The following HMCN1 variants were observed in gnomAD, a reference collection of about 807,000 sequenced individuals.
HMCN1 encodes hemicentin-1.
A neutral mutation model predicts 625.9 loss-of-function variants in HMCN1; 321 were observed. The ratio of observed to expected loss-of-function variants is 0.51; its 90% CI spans 0.47 to 0.56. HMCN1 has a LOEUF of 0.56. Among genes scored for constraint, HMCN1 ranks in the 20% least tolerant of loss-of-function variants. The pLI is 0.00. For missense variants in HMCN1, 6,588 were observed against 6,887.3 expected, an observed-to-expected ratio of 0.96 and a Z score of 1.54; for synonymous variants, 2,425 against 2,417.6, an observed-to-expected ratio of 1.00 and a Z score of -0.09.
intron 4 of HMCN1, among the ~76,000 whole-genome samples, chr1:185,880,924 G>A (rs907360220): frequency 8.5e-5 from 13 of 152,210 alleles, no homozygotes; most frequent in Non-Finnish European, 1.8e-4. Context: ...CACCCCTCGA[G>A]GGAGGGAGCG....
At chr1:185,860,024 T>A (rs1662766168) in intron 2 of HMCN1, among the ~76,000 whole-genome samples, 1 of 152,162 alleles carries the variant, frequency 6.6e-6, no homozygotes, top group African/African-American at 2.4e-5. Context: ...AAAACCGAAC[T>A]GAAATATCAG....
rs536037969 is a variant in HMCN1 at position 186,065,652 on chromosome 1, C to T, written c.7705+223C>T. Among the ~76,000 whole-genome samples the T allele has an allele frequency of 4.6e-5, 7 of 152,196 alleles. No homozygotes were observed. In the East Asian group the frequency reaches 1.4e-3, roughly 29 times the overall value. Reference sequence around the variant, plus strand: ...TAGGCACAGTGTTTTGTGCTAGGGACACAACTCTGAATAAGATAGACTAAT... The same window carrying T: ...TAGGCACAGTGTTTTGTGCTAGGGATACAACTCTGAATAAGATAGACTAAT... On this transcript the variant is annotated intron_variant, in intron 49 of 106. Transcript: ENST00000271588.
chr1:186,122,314 C>T (rs762534326), intron 80 of HMCN1, among the ~76,000 whole-genome samples: 19 of 152,190 alleles, frequency 1.2e-4, no homozygotes, highest in Non-Finnish European at 2.6e-4. Flanking sequence ...TATAGTGATG[C>T]GTTACAACTG....
At position 185,825,005 on chromosome 1, in the gene HMCN1, C is replaced by A. The variant is rs369493316; in HGVS notation, c.269-21021C>A. ...TGATTACTATAATGGCTGATGTACT[C>A]CTTAAGGAAAGAGTTTTATTGCCAT... is the stretch of plus-strand genomic sequence containing the variant. On this transcript the variant is annotated intron_variant, in intron 1 of 106. Transcript: ENST00000271588. Among the ~76,000 whole-genome samples the A allele has an allele frequency of 1.8e-4, 28 of 151,998 alleles. No homozygotes were observed. In the East Asian group the frequency reaches 4.6e-3, roughly 25 times the overall value.
intron 1 of HMCN1, among the ~76,000 whole-genome samples, chr1:185,801,724 G>A (rs1036201288): frequency 3.9e-5 from 6 of 152,106 alleles, no homozygotes; most frequent in African/African-American, 1.4e-4. Flanking sequence ...TCTAGGGAAC[G>A]GACAGAGAGG....
chr1:186,035,367 A>T (rs183086499), intron 36 of HMCN1, among the ~76,000 whole-genome samples: 1 of 152,262 alleles, frequency 6.6e-6, no homozygotes, highest in African/African-American at 2.4e-5. Flanking sequence ...AACAGACTTT[A>T]TTTTAGACTT....
At chr1:186,120,230 G>T in intron 80 of HMCN1, 85 bp downstream of exon 80, 2 of 1,440,300 alleles carry the variant, frequency 1.4e-6, no homozygotes, top group Non-Finnish European at 1.9e-6. Flanking sequence ...AAATGATTAT[G>T]CTGCTGTTCC....
intron 11 of HMCN1, among the ~76,000 whole-genome samples, chr1:185,956,813 C>G (rs1485914514): frequency 6.6e-6 from 1 of 152,210 alleles, no homozygotes; most frequent in Admixed American, 6.5e-5. Flanking sequence ...TGGGGACCCC[C>G]AGTCACCAAT....
At chr1:185,979,156 C>T (rs1247643471) in intron 16 of HMCN1, among the ~76,000 whole-genome samples, 1 of 152,000 alleles carries the variant, frequency 6.6e-6, no homozygotes, top group African/African-American at 2.4e-5. Flanking sequence ...AGTGGATGCC[C>T]ATGAAAGGAG....
intron 54 of HMCN1, among the ~76,000 whole-genome samples, chr1:186,076,927 T>C (rs1658851190): frequency 6.6e-6 from 1 of 152,174 alleles, no homozygotes; most frequent in South Asian, 2.1e-4. Context: ...CAGTTTGGTT[T>C]ATATATATTA....
intron 36 of HMCN1, among the ~76,000 whole-genome samples, chr1:186,026,602 C>G (rs549972219): frequency 6.6e-6 from 1 of 152,110 alleles, no homozygotes; most frequent in South Asian, 2.1e-4. Context: ...ATCAACCAAC[C>G]CTGTAGTTAC....
At chr1:186,067,078 T>A (rs1262451183) in intron 49 of HMCN1, among the ~76,000 whole-genome samples, 1 of 152,152 alleles carries the variant, frequency 6.6e-6, no homozygotes, top group East Asian at 1.9e-4. Flanking sequence ...GAGCAAATCT[T>A]TCTACATTTT....
chr1:186,016,353 T>A (rs1028573635), intron 32 of HMCN1, 114 bp downstream of exon 32: 49 of 972,908 alleles, frequency 5.0e-5, no homozygotes, highest in Non-Finnish European at 7.3e-5. Flanking sequence ...GGTATAGTCC[T>A]CTGTGCAACT....
At chr1:185,949,784 C>T (rs1231409447) in intron 11 of HMCN1, among the ~76,000 whole-genome samples, 3 of 151,380 alleles carry the variant, frequency 2.0e-5, no homozygotes, top group Non-Finnish European at 4.4e-5. Context: ...TTATCTGACT[C>T]GGCATGTTGA....
intron 1 of HMCN1, among the ~76,000 whole-genome samples, chr1:185,757,102 G>A (rs763443214): frequency 3.3e-5 from 5 of 152,124 alleles, no homozygotes; most frequent in African/African-American, 4.8e-5. Context: ...AGCCTCCCAA[G>A]TAGCTGGGAT....
chr1:185,963,693 G>A, intron 12 of HMCN1, 75 bp from the exon 13 acceptor site: 3 of 1,122,810 alleles, frequency 2.7e-6, no homozygotes, highest in South Asian at 1.3e-5. Context: ...ATATTTTAAA[G>A]GAAAGCACTA....
intron 1 of HMCN1, among the ~76,000 whole-genome samples, chr1:185,817,829 G>A (rs532658204): frequency 1.3e-5 from 2 of 152,256 alleles, no homozygotes; most frequent in African/African-American, 4.8e-5. Context: ...AGGCTGTGTA[G>A]AGCACAAAAA....
intron 1 of HMCN1, among the ~76,000 whole-genome samples, chr1:185,766,037 T>G (rs1353383478): frequency 1.3e-5 from 2 of 152,262 alleles, no homozygotes; most frequent in East Asian, 3.9e-4. Context: ...TAAGGTAGCT[T>G]GAGTTATCTT....
At chr1:185,817,009 A>G (rs149274824) in intron 1 of HMCN1, among the ~76,000 whole-genome samples, 55 of 152,312 alleles carry the variant, frequency 3.6e-4, no homozygotes, top group Middle Eastern at 3.4e-3. Context: ...AGTGTCTTGA[A>G]CAGTGCCTGG....
Sources: gnomAD v4.1 joint callset for allele counts (sites outside exome capture counted in the v4.1 genomes callset) on GRCh38, gnomAD v4.1.1 for gene constraint, MANE v1.5 for transcripts, NCBI Gene and HGNC (gene_info 2026-07-23, HGNC 2026-07-21) for gene names.